IMPACT: variants seen among roughly 807,000 people sequenced by gnomAD.
IMPACT encodes the protein protein IMPACT.
IMPACT carries 35 observed loss-of-function variants against 47.5 expected under a neutral mutation model. That is an observed-to-expected ratio of 0.74 (90% CI 0.56 to 0.98). IMPACT has a LOEUF of 0.98. Among genes scored for constraint, IMPACT ranks in the 50% least tolerant of loss-of-function variants. The pLI, the probability that IMPACT is intolerant of heterozygous loss-of-function variation, is 0.00. For missense variants in IMPACT, 373 were observed against 394.8 expected (o/e 0.94, Z 0.47); for synonymous variants, 118 against 125.6 (o/e 0.94, Z 0.40).
intron 4 of IMPACT, among the ~76,000 whole-genome samples, chr18:24,431,597 G>T (rs1428295205): frequency 6.6e-6 from 1 of 150,386 alleles, no homozygotes; most frequent in Non-Finnish European, 1.5e-5. Context: ...CTGCAGTCTT[G>T]ACATCCCAGG....
chr18:24,444,483 G>T (rs1909198317), intron 7 of IMPACT, among the ~76,000 whole-genome samples: 1 of 152,158 alleles, frequency 6.6e-6, no homozygotes. Context: ...CTGACCATGT[G>T]TCATTCTGTT....
chr18:24,445,367 T>G (rs1048196769), intron 7 of IMPACT, 26 bp from the exon 8 acceptor site: 29 of 1,302,384 alleles, frequency 2.2e-5, no homozygotes, highest in Non-Finnish European at 3.2e-5. Context: ...AAAAGCATAC[T>G]TATTTATATT....
At position 24,452,673 on chromosome 18, in the gene IMPACT, A is replaced by T. The variant is rs1342110754; in HGVS notation, c.*1826A>T. On this transcript the variant is annotated 3_prime_UTR_variant, in exon 11 of 11. Coordinates refer to ENST00000284202, the MANE Select transcript of IMPACT (RefSeq NM_018439.4). The stretch of plus-strand genomic sequence containing the variant: ...CACTCTACTCTTAATGGAAACTTGA[A>T]CTAATGATAGATAGTATTTTTTTCC... 1 of 152,186 alleles carries T rather than the reference A, an allele frequency of 6.6e-6. No homozygotes were observed. The highest frequency in any genetic ancestry group is 1.5e-5 in the Non-Finnish European group (1 of 68,026). 9.4% of individuals were successfully genotyped at this position (152,186 alleles called of 1,614,324 possible).
At chr18:24,439,297 G>A (rs1909030410) in intron 5 of IMPACT, among the ~76,000 whole-genome samples, 2 of 152,138 alleles carry the variant, frequency 1.3e-5, no homozygotes, top group Non-Finnish European at 1.5e-5. Flanking sequence ...TTGGGAGGCC[G>A]AGGTGGGTGG....
At position 24,451,921 on chromosome 18, in the gene IMPACT, A is replaced by G. The variant is rs148024274; in HGVS notation, c.*1074A>G. 4.2e-4 allele frequency: 62 copies of G among 148,930 alleles called. No individual in the cohort carries two copies. In the East Asian group the frequency reaches 0.012, roughly 29 times the overall value. 9.2% of individuals were successfully genotyped at this position (148,930 alleles called of 1,614,324 possible). A position where few individuals can be genotyped will look rare whatever the true frequency, so the allele number is the denominator to read the frequency against. On this transcript the variant is annotated 3_prime_UTR_variant, in exon 11 of 11. Coordinates refer to ENST00000284202, the MANE Select transcript of IMPACT (RefSeq NM_018439.4). ...CCCTCTATTCATCAAACCTTTATGT[A>G]TCTTTCATCTTCCAGTTACCTCTAG...
At position 24,440,628 on chromosome 18, in the gene IMPACT, TACTA is replaced by T. The variant is rs563196520; in HGVS notation, c.490+16_490+19del. The T allele has an allele frequency of 6.3e-6, 10 of 1,596,930 alleles. No homozygotes were observed. The highest frequency in any genetic ancestry group is 8.5e-6 in the Non-Finnish European group (10 of 1,173,248). ...AGTGAAACTCGGACAGGTATAATGTTACTAACTAATTTCTTTTGAGGAGAGTGGG... is the reference window on the plus strand; with the variant it reads ...AGTGAAACTCGGACAGGTATAATGTTACTAATTTCTTTTGAGGAGAGTGGG... On this transcript the variant is annotated intron_variant, in intron 6 of 10. Coordinates refer to ENST00000284202, the MANE Select transcript of IMPACT (RefSeq NM_018439.4).
rs977699832 is a variant in IMPACT at position 24,450,818 on chromosome 18, A to G, written c.934A>G (p.Arg312Gly). Reference sequence around the variant, plus strand: ...GGCTTTGGGAAAGAACAAAAAAGTAAGAAAAGACAAGAAGAGGAATGAACA... The same window carrying G: ...GGCTTTGGGAAAGAACAAAAAAGTAGGAAAAGACAAGAAGAGGAATGAACA... The part of the protein sequence containing the change: ...SKALGKNKKV[R>G]KDKKRNEH The change falls in exon 11 of 11, where the codon AGA becomes GGA. Residue 312 changes from arginine to glycine, a missense_variant. Coordinates refer to ENST00000284202, the MANE Select transcript of IMPACT (RefSeq NM_018439.4). The G allele has an allele frequency of 6.2e-7, 1 of 1,609,532 alleles. No individual in the cohort carries two copies. The highest frequency in any genetic ancestry group is 1.1e-5 in the South Asian group (1 of 90,840).
chr18:24,447,954 A>T, intron 8 of IMPACT, 139 bp from the exon 9 acceptor site: 1 of 564,198 alleles, frequency 1.8e-6, no homozygotes. Context: ...TATATCTAAT[A>T]TAATACATAT....
At position 24,433,241 on chromosome 18, in the gene IMPACT, G is replaced by A. The variant is rs565582622; in HGVS notation, c.281+2857G>A. On this transcript the variant is annotated intron_variant, in intron 4 of 10. Coordinates refer to ENST00000284202, the MANE Select transcript of IMPACT (RefSeq NM_018439.4). ...GGAGTCTCGCTCTGTCGCCCAGGCCGGACTGCGGACTGCAGTGGCGCAATC... is the reference window on the plus strand; with the variant it reads ...GGAGTCTCGCTCTGTCGCCCAGGCCAGACTGCGGACTGCAGTGGCGCAATC... Among the ~76,000 whole-genome samples, 11 of 117,418 alleles carry A rather than the reference G, an allele frequency of 9.4e-5. No individual in the cohort carries two copies. In the South Asian group the frequency reaches 2.1e-3, roughly 23 times the overall value. The allele number at this position is 117,418 out of a possible 152,430, so 77.0% of individuals were successfully genotyped here. A position where few individuals can be genotyped will look rare whatever the true frequency, so the allele number is the denominator to read the frequency against.
chr18:24,429,927 G>A (rs1268806400), intron 3 of IMPACT, among the ~76,000 whole-genome samples: 3 of 151,892 alleles, frequency 2.0e-5, no homozygotes, highest in Admixed American at 6.6e-5. Context: ...ACAGGTGCCC[G>A]CCACCACACC....
intron 1 of IMPACT, chr18:24,427,390 T>G (rs1908638738): frequency 6.5e-6 from 1 of 153,044 alleles, no homozygotes; most frequent in Non-Finnish European, 1.5e-5. Context: ...AAGAATAATT[T>G]ATGAAACGTT....
intron 4 of IMPACT, among the ~76,000 whole-genome samples, chr18:24,434,394 T>C (rs1908848977): frequency 6.6e-6 from 1 of 152,006 alleles, no homozygotes; most frequent in South Asian, 2.1e-4. Context: ...AGAAGAGCAG[T>C]CAGTAACTCA....
At chr18:24,436,325 G>T (rs1176398894) in intron 4 of IMPACT, among the ~76,000 whole-genome samples, 1 of 150,660 alleles carries the variant, frequency 6.6e-6, no homozygotes, top group Non-Finnish European at 1.5e-5. Flanking sequence ...GCTCACTTCA[G>T]CCTCCAAACT....
intron 9 of IMPACT, among the ~76,000 whole-genome samples, chr18:24,448,901 A>C (rs1568090626): frequency 1.3e-5 from 2 of 152,058 alleles, no homozygotes; most frequent in African/African-American, 4.8e-5. Context: ...CATTAATTTT[A>C]GGATTGGATT....
chr18:24,442,927 T>C, intron 6 of IMPACT, 122 bp from the exon 7 acceptor site: 1 of 515,594 alleles, frequency 1.9e-6, no homozygotes, highest in Non-Finnish European at 3.4e-6. Context: ...TAGCGATTAA[T>C]GGTTATTTTA....
At position 24,450,886 on chromosome 18, in the gene IMPACT, A is replaced by T. The variant is rs138868251; in HGVS notation, c.*39A>T. On this transcript the variant is annotated 3_prime_UTR_variant, in exon 11 of 11. Transcript: ENST00000284202. Reference sequence around the variant, plus strand: ...AGGAAAGGTTAATTTGCCTATAATTATATATACATTCCATAGTCATCAAGG... The same window carrying T: ...AGGAAAGGTTAATTTGCCTATAATTTTATATACATTCCATAGTCATCAAGG... 2.5e-5 allele frequency: 30 copies of T among 1,183,106 alleles called. No homozygotes were observed. The Admixed American group carries it at 4.5e-4, about 18-fold the overall frequency. 73.3% of individuals were successfully genotyped at this position (1,183,106 alleles called of 1,614,324 possible).
chr18:24,434,824 T>TA (rs1172121229), intron 4 of IMPACT, among the ~76,000 whole-genome samples: 1 of 141,238 alleles, frequency 7.1e-6, no homozygotes, highest in South Asian at 2.2e-4. Flanking sequence ...TATATGTGTA[T>TA]TATATAAGTG....
intron 4 of IMPACT, among the ~76,000 whole-genome samples, chr18:24,432,554 G>A (rs1908783876): frequency 6.6e-6 from 1 of 152,084 alleles, no homozygotes; most frequent in African/African-American, 2.4e-5. Context: ...CCCATTTAGT[G>A]ATTCCGTCAT....
chr18:24,434,829 TAA>T (rs1185632419), intron 4 of IMPACT, among the ~76,000 whole-genome samples: 1 of 146,858 alleles, frequency 6.8e-6, no homozygotes, highest in Non-Finnish European at 1.5e-5. Context: ...GTGTATTATA[TAA>T]GTGTATATAT....
Sources: allele counts gnomAD v4.1 joint callset (sites outside exome capture counted in the v4.1 genomes callset), GRCh38; gene constraint gnomAD v4.1.1; transcripts MANE v1.5; gene names NCBI Gene and HGNC (gene_info 2026-07-23, HGNC 2026-07-21).